RNF216: variants seen among roughly 807,000 people sequenced by gnomAD.
RNF216 encodes ring finger protein 216.
Under a neutral mutation model 110.8 loss-of-function variants are expected in RNF216, and 72 were observed. That is an observed-to-expected ratio of 0.65 (90% CI 0.54 to 0.79). The LOEUF (loss-of-function observed/expected upper bound fraction) is 0.79. RNF216 is among the 30% of genes least tolerant of loss of function. RNF216 has a pLI of 0.00. For missense variants in RNF216, 1,342 were observed against 1,141.2 expected (o/e 1.18, Z -2.54); for synonymous variants, 495 against 407.5 (o/e 1.21, Z -2.59).
intron 13 of RNF216, among the ~76,000 whole-genome samples, chr7:5,674,734 T>A (rs1422712334): frequency 1.3e-5 from 2 of 152,090 alleles, no homozygotes; most frequent in African/African-American, 2.4e-5. Context: ...GCGGGGGGTC[T>A]TTAAAGCAAA....
intron 14 of RNF216, 115 bp from the exon 15 acceptor site, chr7:5,641,491 C>CTAAT (rs1787730282): frequency 3.6e-6 from 3 of 837,374 alleles, no homozygotes; most frequent in Middle Eastern, 2.7e-4. Flanking sequence ...TTTTTTGTGA[C>CTAAT]ATTAAACAGT....
rs150141591 is a variant in RNF216 at position 5,771,539 on chromosome 7, G to C, written c.-70+10002C>G. On this transcript the variant is annotated intron_variant, in intron 1 of 16. Coordinates refer to ENST00000389902, the MANE Select transcript of RNF216 (RefSeq NM_207111.4). ...CGGCGGGGTGCAGTGGCTCATGCCTGTAATCCCTGCACTTTGGAAGGCCAA... is the reference window on the plus strand; with the variant it reads ...CGGCGGGGTGCAGTGGCTCATGCCTCTAATCCCTGCACTTTGGAAGGCCAA... Among the ~76,000 whole-genome samples, 59 of 152,342 alleles carry C rather than the reference G, an allele frequency of 3.9e-4. No homozygotes were observed. The East Asian group carries it at 7.7e-3, about 20-fold the overall frequency.
chr7:5,712,535 T>C (rs1324688707), intron 12 of RNF216, among the ~76,000 whole-genome samples, 180 bp downstream of exon 12: 1 of 151,326 alleles, frequency 6.6e-6, no homozygotes, highest in Non-Finnish European at 1.5e-5. Flanking sequence ...GGTTACTCAA[T>C]GGTTCTGAGG....
chr7:5,622,284 G>A lies in RNF216; in HGVS notation c.*576C>T, dbSNP rs925331454. On this transcript the variant is annotated 3_prime_UTR_variant, in exon 17 of 17. Coordinates refer to ENST00000389902, the MANE Select transcript of RNF216 (RefSeq NM_207111.4). ...GGTCTGCTGCTGCCTCATCTGAGTA[G>A]GTGTAAGAGGGGAGGAGAGGTGCCC... 2.0e-5 allele frequency: 3 copies of A among 152,788 alleles called. No homozygotes were observed. The highest frequency in any genetic ancestry group is 7.2e-5 in the African/African-American group (3 of 41,496). 9.5% of individuals were successfully genotyped at this position (152,788 alleles called of 1,614,324 possible).
chr7:5,694,354 T>A (rs1274133923), intron 13 of RNF216, among the ~76,000 whole-genome samples: 1 of 152,262 alleles, frequency 6.6e-6, no homozygotes. Context: ...GAATGACTTC[T>A]GAGTTAACTT....
At position 5,621,166 on chromosome 7, in the gene RNF216, TCTTA is replaced by T. The variant is rs922369786; in HGVS notation, c.*1690_*1693del. On this transcript the variant is annotated 3_prime_UTR_variant, in exon 17 of 17. Transcript: ENST00000389902. ...TGGGCAAAGGCAGAAAGAATGGGTA[TCTTA>T]GTTTTTTTTTTTTTTTTTTTAAAGA... 1.5e-5 allele frequency: 2 copies of T among 132,458 alleles called. No homozygotes were observed. Among genetic ancestry groups the T allele is most frequent in the African/African-American group, 7.3e-5 (2 of 27,522 alleles). The allele number at this position is 132,458 out of a possible 1,614,324, so 8.2% of individuals were successfully genotyped here. A position where few individuals can be genotyped will look rare whatever the true frequency, so the allele number is the denominator to read the frequency against.
At chr7:5,701,313 T>C (rs745980631) in intron 13 of RNF216, among the ~76,000 whole-genome samples, 1 of 152,164 alleles carries the variant, frequency 6.6e-6, no homozygotes, top group East Asian at 1.9e-4. Flanking sequence ...TGAGTCATCT[T>C]CTGTTCCCTG....
At chr7:5,656,929 C>T (rs1788781852) in intron 13 of RNF216, among the ~76,000 whole-genome samples, 1 of 152,204 alleles carries the variant, frequency 6.6e-6, no homozygotes, top group Non-Finnish European at 1.5e-5. Flanking sequence ...TGATAATAAT[C>T]TTGAGACCTT....
chr7:5,640,156 C>T (rs527970297), intron 15 of RNF216, among the ~76,000 whole-genome samples: 29 of 151,964 alleles, frequency 1.9e-4, no homozygotes, highest in African/African-American at 6.3e-4. Flanking sequence ...CCTTGGCCTT[C>T]AAAAGTGCTG....
intron 15 of RNF216, among the ~76,000 whole-genome samples, chr7:5,629,885 A>C (rs891062799): frequency 9.2e-5 from 14 of 151,820 alleles, no homozygotes; most frequent in Non-Finnish European, 2.9e-5. Flanking sequence ...TTTGAGGTTA[A>C]ACATGAGGCC....
At chr7:5,662,727 T>C (rs765067813) in intron 13 of RNF216, among the ~76,000 whole-genome samples, 70 of 152,068 alleles carry the variant, frequency 4.6e-4, no homozygotes, top group Non-Finnish European at 9.1e-4. Flanking sequence ...CACAAACAGA[T>C]AACTGTATAC....
In RNF216 at chr7:5,688,591, T is replaced by C. The variant is rs117052169; in HGVS notation, c.2061+23170A>G. 1.3e-4 allele frequency among the ~76,000 whole-genome samples: 20 copies of C among 152,338 alleles called. No homozygotes were observed. In the East Asian group the frequency reaches 3.9e-3, roughly 29 times the overall value. On this transcript the variant is annotated intron_variant, in intron 13 of 16. Transcript: ENST00000389902. ...TTTGAAGAAAAAAGTTAAAGGCGCA[T>C]GTATTTACCAGCTTTATCCTTTACA... is the stretch of plus-strand genomic sequence containing the variant.
intron 14 of RNF216, among the ~76,000 whole-genome samples, chr7:5,646,372 CCAAAACAAAA>C (rs547423174): frequency 1.2e-3 from 177 of 148,568 alleles, no homozygotes; most frequent in African/African-American, 3.8e-3. Flanking sequence ...AGACTCCATC[CCAAAACAAAA>C]CAAAACAAAA....
rs1786269676 is a variant in RNF216 at position 5,620,229 on chromosome 7, A to G, written c.*2631T>C. 6.6e-6 allele frequency: 1 copy of G among 152,066 alleles called. No individual in the cohort carries two copies. Among genetic ancestry groups the G allele is most frequent in the Non-Finnish European group, 1.5e-5 (1 of 67,976 alleles). The allele number at this position is 152,066 out of a possible 1,614,324, so 9.4% of individuals were successfully genotyped here. ...GTGACAGATCATGCACATTTTTTTC[A>G]GTTTTTAAATATTTTGCTAAGTGCA... On this transcript the variant is annotated 3_prime_UTR_variant, in exon 17 of 17. Coordinates refer to ENST00000389902, the MANE Select transcript of RNF216 (RefSeq NM_207111.4).
chr7:5,763,020 G>C (rs941867010), intron 1 of RNF216, among the ~76,000 whole-genome samples: 1 of 152,158 alleles, frequency 6.6e-6, no homozygotes, highest in African/African-American at 2.4e-5. Context: ...AAACACAGAA[G>C]TTATTGATGG....
chr7:5,706,695 T>A (rs1792312285), intron 13 of RNF216, among the ~76,000 whole-genome samples: 1 of 152,242 alleles, frequency 6.6e-6, no homozygotes, highest in African/African-American at 2.4e-5. Context: ...CATGCTGAGA[T>A]CCTTTCCCAA....
chr7:5,653,792 C>T (rs533422898), intron 13 of RNF216, among the ~76,000 whole-genome samples: 208 of 151,948 alleles, frequency 1.4e-3, no homozygotes, highest in African/African-American at 4.7e-3. Flanking sequence ...ATCCAAAGGA[C>T]GAGTCAACGA....
At chr7:5,737,570 G>A (rs530733343) in intron 5 of RNF216, among the ~76,000 whole-genome samples, 1 of 151,908 alleles carries the variant, frequency 6.6e-6, no homozygotes, top group South Asian at 2.1e-4. Context: ...TAAATCTGAT[G>A]ACAGTGGTTG....
chr7:5,662,940 C>A (rs1014988241), intron 13 of RNF216, among the ~76,000 whole-genome samples: 2 of 152,114 alleles, frequency 1.3e-5, no homozygotes, highest in Non-Finnish European at 2.9e-5. Flanking sequence ...GGAGCTGGGA[C>A]AGGACAGAGC....
Sources: gnomAD v4.1 joint callset for allele counts (sites outside exome capture counted in the v4.1 genomes callset) on GRCh38, gnomAD v4.1.1 for gene constraint, MANE v1.5 for transcripts, NCBI Gene and HGNC (gene_info 2026-07-23, HGNC 2026-07-21) for gene names.